XPO5: variants seen among roughly 807,000 people sequenced by gnomAD.
XPO5 encodes the protein exportin 5.
A neutral mutation model predicts 160.6 loss-of-function variants in XPO5; 46 were observed. That is an observed-to-expected ratio of 0.29 (90% CI 0.23 to 0.37). XPO5 has a LOEUF of 0.37. Among genes scored for constraint, XPO5 ranks in the 10% least tolerant of loss-of-function variants. The pLI, the probability that XPO5 is intolerant of heterozygous loss-of-function variation, is 1.00. For missense variants in XPO5, 1,090 were observed against 1,463.9 expected, an observed-to-expected ratio of 0.74 and a Z score of 4.17; for synonymous variants, 537 against 519.3, an observed-to-expected ratio of 1.03 and a Z score of -0.46.
At chr6:43,569,708 G>T (rs1762893140) in intron 5 of XPO5, among the ~76,000 whole-genome samples, 1 of 150,790 alleles carries the variant, frequency 6.6e-6, no homozygotes. Flanking sequence ...ACTCCAGCAT[G>T]GGTGACAGAG....
At chr6:43,552,398 G>A (rs1795272809) in intron 14 of XPO5, among the ~76,000 whole-genome samples, 1 of 151,070 alleles carries the variant, frequency 6.6e-6, no homozygotes, top group Non-Finnish European at 1.5e-5. Context: ...TGTCACACAG[G>A]CTGGAGTGCA....
chr6:43,523,773 A>T lies in XPO5; in HGVS notation c.*95T>A, dbSNP rs1793353256. ...TCTTTCCAGGCTGACAGTGGTGGAAAGTGAGGTGGCAGTGCAAGAAGGGCC... is the reference window on the plus strand; with the variant it reads ...TCTTTCCAGGCTGACAGTGGTGGAATGTGAGGTGGCAGTGCAAGAAGGGCC... On this transcript the variant is annotated 3_prime_UTR_variant, in exon 32 of 32. Coordinates refer to ENST00000265351, the MANE Select transcript of XPO5 (RefSeq NM_020750.3). The T allele has an allele frequency of 6.3e-7, 1 of 1,597,394 alleles. No individual in the cohort carries two copies. The highest frequency in any genetic ancestry group is 1.1e-5 in the South Asian group (1 of 90,196).
intron 14 of XPO5, among the ~76,000 whole-genome samples, chr6:43,553,149 T>C (rs1795331468): frequency 6.6e-6 from 1 of 151,872 alleles, no homozygotes; most frequent in East Asian, 1.9e-4. Context: ...ATTTTTATTA[T>C]AAATTAGCCA....
intron 23 of XPO5, among the ~76,000 whole-genome samples, chr6:43,530,057 C>A (rs1360353587): frequency 6.6e-6 from 1 of 152,076 alleles, no homozygotes; most frequent in African/African-American, 2.4e-5. Flanking sequence ...GAGTTTGAGA[C>A]CAGCCTGGCC....
intron 1 of XPO5, among the ~76,000 whole-genome samples, chr6:43,574,573 G>A (rs1420108518): frequency 1.3e-5 from 2 of 151,754 alleles, no homozygotes; most frequent in Non-Finnish European, 2.9e-5. Context: ...ACGGCCAACA[G>A]TAGCCCTACT....
chr6:43,559,264 T>C (rs1762276341), intron 11 of XPO5, among the ~76,000 whole-genome samples: 1 of 152,148 alleles, frequency 6.6e-6, no homozygotes, highest in Admixed American at 6.5e-5. Flanking sequence ...GCCACTGCAC[T>C]CCAGCCTCGG....
At chr6:43,560,591 G>A (rs953548441) in intron 10 of XPO5, among the ~76,000 whole-genome samples, 3 of 152,166 alleles carry the variant, frequency 2.0e-5, no homozygotes, top group Admixed American at 6.5e-5. Context: ...GGACAATTTT[G>A]AACAGAGTGA....
chr6:43,548,659 C>T (rs112426014), intron 17 of XPO5, among the ~76,000 whole-genome samples, 199 bp from the exon 18 acceptor site: 6 of 151,816 alleles, frequency 4.0e-5, no homozygotes, highest in African/African-American at 1.5e-4. Context: ...TAGCTCTTGT[C>T]TTGAGTATTT....
intron 12 of XPO5, among the ~76,000 whole-genome samples, chr6:43,556,638 G>A (rs928313387): frequency 4.6e-5 from 7 of 151,906 alleles, no homozygotes; most frequent in African/African-American, 1.7e-4. Flanking sequence ...ACTTGCAATT[G>A]CCATATTATC....
At position 43,529,502 on chromosome 6, in the gene XPO5, C is replaced by T. The variant is rs1247922627; in HGVS notation, c.2678-577G>A. The T allele has an allele frequency of 1.6e-5, 4 of 256,740 alleles. No individual in the cohort carries two copies. The East Asian group carries it at 5.4e-4, about 34-fold the overall frequency. The allele number at this position is 256,740 out of a possible 1,614,324, so 15.9% of individuals were successfully genotyped here. A position where few individuals can be genotyped will look rare whatever the true frequency, so the allele number is the denominator to read the frequency against. ...CTGGGAGGCGAAGCTTGCAGTGAGC[C>T]GAGATCACGCCACTGCACTCCAGCC... On this transcript the variant is annotated intron_variant, in intron 23 of 31. Coordinates refer to ENST00000265351, the MANE Select transcript of XPO5 (RefSeq NM_020750.3).
At chr6:43,553,905 CTAAATAATTAAAATTGAGACCA>C (rs1401088555) in intron 13 of XPO5, among the ~76,000 whole-genome samples, 4 of 152,186 alleles carry the variant, frequency 2.6e-5, no homozygotes, top group Non-Finnish European at 5.9e-5. Context: ...CCATGAGAAT[CTAAATAATTAAAATTGAGACCA>C]TAAAGAATCT....
At chr6:43,568,758 C>G (rs375372744) in intron 5 of XPO5, 21 bp from the exon 6 acceptor site, 28 of 1,566,578 alleles carry the variant, frequency 1.8e-5, no homozygotes, top group Non-Finnish European at 2.4e-5. Context: ...GTATAAAGAT[C>G]CAGTGTTTTT....
At chr6:43,547,380 C>A in intron 19 of XPO5, 1 of 615,698 alleles carries the variant, frequency 1.6e-6, no homozygotes, top group Non-Finnish European at 3.0e-6. Context: ...ATTTAGAGAT[C>A]CTTAAAGCCA....
intron 20 of XPO5, chr6:43,538,886 A>G (rs202071061): frequency 2.2e-4 from 281 of 1,286,086 alleles, no homozygotes; most frequent in Non-Finnish European, 2.8e-4. Context: ...GGTCTTGACG[A>G]GGTGGTCAGT....
At chr6:43,524,775 G>T in intron 30 of XPO5, 56 bp downstream of exon 30, 1 of 1,606,988 alleles carries the variant, frequency 6.2e-7, no homozygotes, top group Non-Finnish European at 8.5e-7. Context: ...AAGAGACTAG[G>T]AGCAGACTGA....
chr6:43,568,624 A>T, intron 6 of XPO5, 87 bp downstream of exon 6: 1 of 1,210,730 alleles, frequency 8.3e-7, no homozygotes, highest in Non-Finnish European at 1.1e-6. Context: ...AACACAAGCA[A>T]GGCTGAGGTC....
intron 2 of XPO5, among the ~76,000 whole-genome samples, chr6:43,572,893 A>C (rs1763083159): frequency 6.6e-6 from 1 of 152,242 alleles, no homozygotes; most frequent in African/African-American, 2.4e-5. Context: ...GGTCAACTGC[A>C]ACAATGTACT....
intron 20 of XPO5, 137 bp from the exon 21 acceptor site, chr6:43,534,144 A>G: frequency 1.8e-6 from 1 of 552,966 alleles, no homozygotes; most frequent in Non-Finnish European, 3.2e-6. Flanking sequence ...AAAAGAAGGT[A>G]TAAATATCTG....
At chr6:43,539,723 G>A (rs1253279681) in intron 20 of XPO5, 2 of 634,940 alleles carry the variant, frequency 3.1e-6, no homozygotes, top group African/African-American at 1.8e-5. Flanking sequence ...TCTCGGAGAA[G>A]AAGCTACATT....
Sources: allele counts gnomAD v4.1 joint callset (sites outside exome capture counted in the v4.1 genomes callset), GRCh38; gene constraint gnomAD v4.1.1; transcripts MANE v1.5; gene names NCBI Gene and HGNC (gene_info 2026-07-23, HGNC 2026-07-21).